Variants in TXK observed in about 807,000 individuals in gnomAD.
TXK encodes the protein tyrosine-protein kinase TXK.
In TXK, 60 loss-of-function variants were observed where a neutral mutation model predicts 81.0. That is an observed-to-expected ratio of 0.74 (90% CI 0.60 to 0.92). The LOEUF (loss-of-function observed/expected upper bound fraction) is 0.92, where lower values mean the gene tolerates loss of function less well. TXK is among the 40% of genes least tolerant of loss of function. The pLI, the probability that TXK is intolerant of heterozygous loss-of-function variation, is 0.00. For synonymous variants in TXK, 203 were observed against 210.7 expected, an observed-to-expected ratio of 0.96 and a Z score of 0.32; for missense variants, 581 against 638.3, an observed-to-expected ratio of 0.91 and a Z score of 0.97.
At chr4:48,074,688 C>A (rs1199072111) in intron 12 of TXK, among the ~76,000 whole-genome samples, 1 of 152,048 alleles carries the variant, frequency 6.6e-6, no homozygotes, top group East Asian at 1.9e-4. Flanking sequence ...ATGTCAGACA[C>A]TGAGGAGAAG....
Position 48,071,646 on chromosome 4 carries a change from T to G in TXK, c.1386A>C (p.Glu462Asp). The G allele has an allele frequency of 1.2e-6, 2 of 1,614,186 alleles. No individual in the cohort carries two copies. Among genetic ancestry groups the G allele is most frequent in the Non-Finnish European group, 1.7e-6 (2 of 1,180,026 alleles). Residue 462 changes from glutamate to aspartate, a missense_variant, in exon 14 of 15, where the codon GAA becomes GAC. Physicochemically the swap from Glu to Asp is conservative, Grantham distance 45. Coordinates refer to ENST00000264316, the MANE Select transcript of TXK (RefSeq NM_003328.3). ...FGVLMWEVFT[E>D]GKMPFENKSN... The stretch of plus-strand genomic sequence containing the variant: ...ACTTATTTTCAAAAGGCATTTTTCC[T>G]TCTGTAAAAACTTCCCACATTAAAA...
At chr4:48,071,356 T>C (rs75760569) in intron 14 of TXK, among the ~76,000 whole-genome samples, 161 bp downstream of exon 14, 1,952 of 152,264 alleles carry the variant, frequency 0.013, 49 homozygotes, top group African/African-American at 0.044. Context: ...TTCATGACTT[T>C]GTAGTGAGTT....
chr4:48,085,524 C>A (rs1414202814), intron 10 of TXK, among the ~76,000 whole-genome samples: 1 of 152,150 alleles, frequency 6.6e-6, no homozygotes, highest in African/African-American at 2.4e-5. Flanking sequence ...AGTTCCCCAG[C>A]AAAATCCCCA....
At chr4:48,079,544 C>A (rs976610863) in intron 11 of TXK, among the ~76,000 whole-genome samples, 4 of 152,166 alleles carry the variant, frequency 2.6e-5, no homozygotes, top group African/African-American at 9.7e-5. Context: ...GGCTTCCCCC[C>A]ACCCACCAAG....
intron 6 of TXK, among the ~76,000 whole-genome samples, 165 bp from the exon 7 acceptor site, chr4:48,095,387 C>T (rs1394709552): frequency 6.6e-6 from 1 of 152,160 alleles, no homozygotes; most frequent in African/African-American, 2.4e-5. Flanking sequence ...AAAATCTTAT[C>T]TCCCTTATAG....
intron 1 of TXK, among the ~76,000 whole-genome samples, chr4:48,127,207 T>C (rs6819804): frequency 2.0e-5 from 3 of 152,026 alleles, no homozygotes; most frequent in Non-Finnish European, 4.4e-5. Context: ...AAAATCACAC[T>C]ATGAAAGCCA....
rs1008006531 is a variant in TXK, at chr4:48,071,563, A to C, written c.1469T>G (p.Leu490Arg). The C allele has an allele frequency of 1.9e-6, 3 of 1,614,174 alleles. No individual in the cohort carries two copies. Among genetic ancestry groups the C allele is most frequent in the African/African-American group, 1.3e-5 (1 of 75,060 alleles). ...GACTTCATATATGGACATTGGTGCC[A>C]GGTGAGGGCGATATAGCCTGAAGCC... Reference protein sequence around the residue: ...SEGFRLYRPHLAPMSIYEVMY... With the variant: ...SEGFRLYRPHRAPMSIYEVMY... The change falls in exon 14 of 15, where the codon CTG becomes CGG. Residue 490 changes from leucine (L) to arginine (R), a missense_variant. By Grantham distance (102) the Leu-to-Arg change is moderately radical. Coordinates refer to ENST00000264316, the MANE Select transcript of TXK (RefSeq NM_003328.3).
chr4:48,118,618 G>C (rs757413466), intron 1 of TXK, among the ~76,000 whole-genome samples: 6 of 152,158 alleles, frequency 3.9e-5, no homozygotes, highest in Non-Finnish European at 5.9e-5. Flanking sequence ...AGAAAGTCAG[G>C]AGCTGCTTTT....
intron 12 of TXK, among the ~76,000 whole-genome samples, chr4:48,075,544 G>A (rs1717033016): frequency 6.6e-6 from 1 of 152,102 alleles, no homozygotes; most frequent in South Asian, 2.1e-4. Flanking sequence ...CAGCTACTCG[G>A]GGGGCTGAGG....
intron 1 of TXK, among the ~76,000 whole-genome samples, chr4:48,126,411 G>A (rs139706434): frequency 1.2e-4 from 18 of 152,224 alleles, no homozygotes; most frequent in African/African-American, 3.9e-4. Flanking sequence ...TTATGTTATT[G>A]AGGCTTCTGG....
intron 6 of TXK, among the ~76,000 whole-genome samples, chr4:48,103,935 G>A (rs1408928954): frequency 6.6e-6 from 1 of 151,644 alleles, no homozygotes; most frequent in East Asian, 1.9e-4. Context: ...GGGCGTGGTG[G>A]CTCACACCTG....
At chr4:48,085,164 A>G (rs927770138) in intron 10 of TXK, among the ~76,000 whole-genome samples, 2 of 152,216 alleles carry the variant, frequency 1.3e-5, no homozygotes, top group African/African-American at 2.4e-5. Flanking sequence ...AAAGTTAATG[A>G]GCCACAGAAA....
rs1232255514 is a variant in TXK, at chr4:48,104,405, TATA to T, written c.501+493_501+495del. ...AATATTATATATAATATATATAATA[TATA>T]ATATTATATATAATATATATAATAT... On this transcript the variant is annotated intron_variant, in intron 6 of 14. Transcript: ENST00000264316. Among the ~76,000 whole-genome samples, 5 of 736 alleles carry T rather than the reference TATA, an allele frequency of 6.8e-3. 2 individuals are homozygous for T. The highest frequency in any genetic ancestry group is 1 in the East Asian group (2 of 2). 0.5% of individuals were successfully genotyped at this position (736 alleles called of 152,430 possible). A position where few individuals can be genotyped will look rare whatever the true frequency, so the allele number is the denominator to read the frequency against.
chr4:48,081,302 C>T (rs1463338147), intron 10 of TXK, among the ~76,000 whole-genome samples: 3 of 152,040 alleles, frequency 2.0e-5, no homozygotes, highest in Non-Finnish European at 4.4e-5. Flanking sequence ...ACTGCATTTC[C>T]TTATCAAGAT....
intron 2 of TXK, 64 bp from the exon 3 acceptor site, chr4:48,113,373 T>G (rs1718702135): frequency 7.8e-7 from 1 of 1,277,940 alleles, no homozygotes; most frequent in Non-Finnish European, 1.1e-6. Flanking sequence ...ATACATCCAC[T>G]AGATTTTCAC....
chr4:48,081,084 A>G (rs1288356053), intron 10 of TXK, among the ~76,000 whole-genome samples: 1 of 151,908 alleles, frequency 6.6e-6, no homozygotes, highest in African/African-American at 2.4e-5. Context: ...AGAACTTAAC[A>G]TTATCTTAAT....
chr4:48,128,913 C>T (rs1367789363), intron 1 of TXK, among the ~76,000 whole-genome samples: 8 of 151,816 alleles, frequency 5.3e-5, no homozygotes, highest in African/African-American at 4.8e-5. Context: ...AAGATAGGCA[C>T]GTTTTAGCCA....
rs184417419 is a variant in TXK at position 48,116,191 on chromosome 4, C to T, written c.17-1789G>A. Among the ~76,000 whole-genome samples the T allele has an allele frequency of 3.0e-3, 453 of 152,252 alleles. 1 individual carries two copies. Among genetic ancestry groups the T allele is most frequent in the Non-Finnish European group, 4.4e-3 (302 of 68,034 alleles). On this transcript the variant is annotated intron_variant, in intron 1 of 14. Coordinates refer to ENST00000264316, the MANE Select transcript of TXK (RefSeq NM_003328.3). ...TAGTAAATGTTCTGTGCTTTAGTTT[C>T]CTCGTCTGTAAAATGGGAATAATAG... is the stretch of plus-strand genomic sequence containing the variant.
chr4:48,088,610 A>C (rs1717630034), intron 9 of TXK, among the ~76,000 whole-genome samples: 1 of 152,254 alleles, frequency 6.6e-6, no homozygotes, highest in Non-Finnish European at 1.5e-5. Context: ...TAATCAAACC[A>C]GGCAAAACAA....
Sources: gnomAD v4.1 joint callset for allele counts (sites outside exome capture counted in the v4.1 genomes callset) on GRCh38, gnomAD v4.1.1 for gene constraint, MANE v1.5 for transcripts, NCBI Gene and HGNC (gene_info 2026-07-23, HGNC 2026-07-21) for gene names.